Variants in WDFY4 observed in about 807,000 individuals in gnomAD.
The protein encoded by WDFY4 is WD repeat- and FYVE domain-containing protein 4.
Under a neutral mutation model 351.9 loss-of-function variants are expected in WDFY4, and 169 were observed. The ratio of observed to expected loss-of-function variants is 0.48; its 90% CI spans 0.42 to 0.55. WDFY4 has a LOEUF of 0.55. Among genes scored for constraint, WDFY4 ranks in the 20% least tolerant of loss-of-function variants. The pLI, the probability that WDFY4 is intolerant of heterozygous loss-of-function variation, is 0.00. For missense variants in WDFY4, 3,803 were observed against 3,935.6 expected (o/e 0.97, Z 0.90); for synonymous variants, 1,622 against 1,574.6 (o/e 1.03, Z -0.71).
intron 1 of WDFY4, among the ~76,000 whole-genome samples, chr10:48,687,489 G>A (rs1209845778): frequency 6.6e-6 from 1 of 152,038 alleles, no homozygotes; most frequent in African/African-American, 2.4e-5. Context: ...TTACACTGAA[G>A]TCTCTAGTCT....
intron 1 of WDFY4, among the ~76,000 whole-genome samples, chr10:48,707,178 C>G (rs1183056832): frequency 6.6e-6 from 1 of 152,156 alleles, no homozygotes; most frequent in Non-Finnish European, 1.5e-5. Flanking sequence ...GATGCTCATA[C>G]TCATTAGTAA....
intron 45 of WDFY4, among the ~76,000 whole-genome samples, chr10:48,898,863 A>C (rs1483890412): frequency 1.3e-5 from 2 of 151,920 alleles, no homozygotes; most frequent in Admixed American, 1.3e-4. Context: ...GCCAATCTCC[A>C]CCTCAGCTCT....
At chr10:48,897,406 T>C (rs1309133379) in intron 44 of WDFY4, 48 bp from the exon 45 acceptor site, 1 of 1,536,898 alleles carries the variant, frequency 6.5e-7, no homozygotes, top group Non-Finnish European at 8.8e-7. Context: ...GCACGTGTCC[T>C]CACTCTGATG....
chr10:48,752,980 C>A (rs372981263), intron 12 of WDFY4, among the ~76,000 whole-genome samples: 1 of 152,152 alleles, frequency 6.6e-6, no homozygotes, highest in Non-Finnish European at 1.5e-5. Context: ...ATTTTACACA[C>A]CCAACAGCAA....
chr10:48,962,017 G>A (rs755443076), intron 53 of WDFY4, among the ~76,000 whole-genome samples: 2 of 152,158 alleles, frequency 1.3e-5, no homozygotes, highest in African/African-American at 2.4e-5. Flanking sequence ...GAAAAGAGGT[G>A]GAGGAATGTT....
intron 39 of WDFY4, among the ~76,000 whole-genome samples, chr10:48,844,923 G>A (rs562791396): frequency 1.3e-4 from 20 of 152,288 alleles, no homozygotes; most frequent in African/African-American, 4.1e-4. Flanking sequence ...TAGATGATGC[G>A]CCAGAGACTT....
Position 48,795,518 on chromosome 10 carries a change from TATATACATATATATATACAC to T in WDFY4, c.4258-778_4258-759del, listed in dbSNP as rs1228789500. On this transcript the variant is annotated intron_variant, in intron 23 of 61. Coordinates refer to ENST00000325239, the MANE Select transcript of WDFY4 (RefSeq NM_001394531.1). ...ATATATATATATATATATATATATA[TATATACATATATATATACAC>T]ACACATGAATAGTCTGGAAAGATAT... 2.6e-3 allele frequency among the ~76,000 whole-genome samples: 252 copies of T among 96,062 alleles called. 9 individuals are homozygous for T. Among genetic ancestry groups the T allele is most frequent in the African/African-American group, 0.013 (216 of 16,946 alleles). The allele number at this position is 96,062 out of a possible 152,430, so 63.0% of individuals were successfully genotyped here.
intron 23 of WDFY4, 76 bp from the exon 24 acceptor site, chr10:48,796,222 G>T: frequency 1.4e-6 from 2 of 1,479,146 alleles, no homozygotes; most frequent in South Asian, 1.3e-5. Context: ...TTGCAGACTG[G>T]ACTGGGACAA....
chr10:48,811,826 G>T, intron 30 of WDFY4, 118 bp downstream of exon 30: 1 of 1,091,142 alleles, frequency 9.2e-7, no homozygotes, highest in Non-Finnish European at 1.3e-6. Context: ...CTCAGATGGG[G>T]TGCTGGCCCA....
At chr10:48,754,019 T>C (rs1044549967) in intron 12 of WDFY4, among the ~76,000 whole-genome samples, 3 of 151,926 alleles carry the variant, frequency 2.0e-5, no homozygotes, top group Non-Finnish European at 4.4e-5. Context: ...TCAAATCAGA[T>C]GATCATCTGT....
chr10:48,755,558 TTG>T (rs1251070401), intron 12 of WDFY4, among the ~76,000 whole-genome samples: 1 of 152,184 alleles, frequency 6.6e-6, no homozygotes, highest in Non-Finnish European at 1.5e-5. Flanking sequence ...GATTCATTTT[TTG>T]TTTGTTTGTT....
Position 48,966,632 on chromosome 10 carries a change from A to G in WDFY4, c.8543A>G (p.Tyr2848Cys). Residue 2848 changes from tyrosine to cysteine, a missense_variant, in exon 55 of 62, where the codon TAC becomes TGC. Physicochemically the swap from Tyr to Cys is radical, Grantham distance 194. Around this residue, in one of 3 missense-constraint regions of WDFY4, gnomAD observed 3,054 missense variants for 3,148.6 expected, o/e 0.97. Transcript: ENST00000325239. Reference sequence around the variant, plus strand: ...CCTGGCCACCCACAGCCCTTTTTCTACAGCCTGCAGTCGCTGAGGCCCTCC... The same window carrying G: ...CCTGGCCACCCACAGCCCTTTTTCTGCAGCCTGCAGTCGCTGAGGCCCTCC... ...SLPGHPQPFFYSLQSLRPSQV... is the reference protein window; with the variant it reads ...SLPGHPQPFFCSLQSLRPSQV... The G allele has an allele frequency of 2.6e-6, 4 of 1,551,788 alleles. No individual in the cohort carries two copies. Among genetic ancestry groups the G allele is most frequent in the Non-Finnish European group, 2.6e-6 (3 of 1,147,010 alleles).
chr10:48,969,284 A>G (rs1349091707), intron 56 of WDFY4, 36 bp downstream of exon 56: 2 of 1,544,730 alleles, frequency 1.3e-6, no homozygotes, highest in Admixed American at 2.0e-5. Flanking sequence ...CAGCCTCAGG[A>G]CCTCAGCCTT....
Position 48,807,872 on chromosome 10 carries a change from A to G in WDFY4, c.4752A>G (p.Thr1584=). Residue 1584 remains threonine (T), a synonymous_variant, in exon 28 of 62, where the codon ACA becomes ACG. Coordinates refer to ENST00000325239, the MANE Select transcript of WDFY4 (RefSeq NM_001394531.1). ...LDPSLPAGSQ[T]SGKTIWLRNQ... ...TCTTTTTTGTAGCTGGAAGCCAAAC[A>G]TCTGGAAAGACAATCTGGCTCAGAA... The G allele has an allele frequency of 6.4e-7, 1 of 1,551,706 alleles. No homozygotes were observed. The highest frequency in any genetic ancestry group is 2.4e-5 in the East Asian group (1 of 40,914).
Position 48,747,680 on chromosome 10 carries a change from T to A in WDFY4, c.2459+4132T>A, listed in dbSNP as rs766655344. Among the ~76,000 whole-genome samples, 134 of 152,248 alleles carry A rather than the reference T, an allele frequency of 8.8e-4. 4 individuals carry two copies. The highest frequency in any genetic ancestry group is 2.2e-4 in the Non-Finnish European group (15 of 68,036). On this transcript the variant is annotated intron_variant, in intron 12 of 61. Coordinates refer to ENST00000325239, the MANE Select transcript of WDFY4 (RefSeq NM_001394531.1). Reference sequence around the variant, plus strand: ...AAAATTTCAATGACAGTATTTTATATGTCTAGATATACTGTTTCTTTTTCA... The same window carrying A: ...AAAATTTCAATGACAGTATTTTATAAGTCTAGATATACTGTTTCTTTTTCA...
intron 43 of WDFY4, among the ~76,000 whole-genome samples, chr10:48,885,722 C>CTA (rs1481765135): frequency 6.7e-6 from 1 of 150,364 alleles, no homozygotes; most frequent in African/African-American, 2.5e-5. Flanking sequence ...TGTTCTCTCT[C>CTA]TCTCTCTCTC....
intron 47 of WDFY4, among the ~76,000 whole-genome samples, chr10:48,924,858 T>C (rs928957573): frequency 1.6e-4 from 24 of 152,250 alleles, no homozygotes. Context: ...CACTCATGTA[T>C]CTTTGACTAC....
intron 19 of WDFY4, among the ~76,000 whole-genome samples, chr10:48,785,895 A>G (rs940995056): frequency 3.9e-5 from 6 of 152,214 alleles, no homozygotes; most frequent in Admixed American, 1.3e-4. Flanking sequence ...GATAGTCTAC[A>G]AAAAACCTTT....
rs547369025 is a variant in WDFY4, at chr10:48,763,696, G to A, written c.2553+3256G>A. ...AGTATGCAACTGATAATTCCATTTG[G>A]AGCGAGTTACTTTTTCTATATTCAG... On this transcript the variant is annotated intron_variant, in intron 13 of 61. Coordinates refer to ENST00000325239, the MANE Select transcript of WDFY4 (RefSeq NM_001394531.1). 3.3e-5 allele frequency among the ~76,000 whole-genome samples: 5 copies of A among 152,254 alleles called. 1 individual carries two copies. The South Asian group carries it at 1.0e-3, about 32-fold the overall frequency.
Sources: gnomAD v4.1 joint callset for allele counts (sites outside exome capture counted in the v4.1 genomes callset) on GRCh38, gnomAD v4.1.1 for gene constraint, gnomAD v4.1.1 regional missense constraint, MANE v1.5 for transcripts, NCBI Gene and HGNC (gene_info 2026-07-23, HGNC 2026-07-21) for gene names.